Variants in PLEK observed in about 807,000 individuals in gnomAD.
The protein encoded by PLEK is platelet 47 kDa protein.
PLEK carries 25 observed loss-of-function variants against 43.9 expected under a neutral mutation model. The ratio of observed to expected loss-of-function variants is 0.57; its 90% CI spans 0.41 to 0.79. The LOEUF (loss-of-function observed/expected upper bound fraction) is 0.79, where lower values mean the gene tolerates loss of function less well. Among genes scored for constraint, PLEK ranks in the 30% least tolerant of loss-of-function variants. The pLI, the probability that PLEK is intolerant of heterozygous loss-of-function variation, is 0.00. For missense variants in PLEK, 396 were observed against 413.3 expected, an observed-to-expected ratio of 0.96 and a Z score of 0.36; for synonymous variants, 152 against 144.4, an observed-to-expected ratio of 1.05 and a Z score of -0.38.
Position 68,395,903 on chromosome 2 carries a change from C to T in PLEK, c.*87C>T, listed in dbSNP as rs114097526. On this transcript the variant is annotated 3_prime_UTR_variant, in exon 9 of 9. Coordinates refer to ENST00000234313, the MANE Select transcript of PLEK (RefSeq NM_002664.3). ...CCTGTCCACTTCTGTGACAAATCAA[C>T]GGGAAACAGCCCAGGGGTGGGAAGT... 11,143 of 1,206,020 alleles carry T rather than the reference C, an allele frequency of 9.2e-3. 80 individuals carry two copies. Among genetic ancestry groups the T allele is most frequent in the Non-Finnish European group, 0.01 (8,364 of 828,068 alleles). The allele number at this position is 1,206,020 out of a possible 1,614,324, so 74.7% of individuals were successfully genotyped here.
At position 68,394,113 on chromosome 2, in the gene PLEK, G is replaced by A; in HGVS notation, c.853G>A (p.Asp285Asn). 1 of 1,604,900 alleles carries A rather than the reference G, an allele frequency of 6.2e-7. No individual in the cohort carries two copies. The highest frequency in any genetic ancestry group is 1.1e-5 in the South Asian group (1 of 90,918). The change falls in exon 8 of 9, where the codon GAT becomes AAT. Residue 285 changes from aspartate (D) to asparagine (N), a missense_variant. Physicochemically the swap from Asp to Asn is conservative, Grantham distance 23. Transcript: ENST00000234313. ...CAACTCCTTTCTTCTTTAGGCAGAA[G>A]ATCCCCTGGGAGCAATTCACTTGAG... ...LHYYDPAGAE[D>N]PLGAIHLRGC...
At chr2:68,390,903 T>C (rs1673845684) in intron 6 of PLEK, among the ~76,000 whole-genome samples, 1 of 152,242 alleles carries the variant, frequency 6.6e-6, no homozygotes, top group Admixed American at 6.5e-5. Context: ...TTTACATAAT[T>C]GTTTCTGTTA....
At chr2:68,387,617 G>A (rs1384584061) in intron 5 of PLEK, among the ~76,000 whole-genome samples, 1 of 152,174 alleles carries the variant, frequency 6.6e-6, no homozygotes, top group Non-Finnish European at 1.5e-5. Context: ...TAGGCCATGT[G>A]AGCAATGGTG....
intron 1 of PLEK, among the ~76,000 whole-genome samples, chr2:68,377,062 T>G (rs776556173): frequency 1.3e-5 from 2 of 152,200 alleles, no homozygotes; most frequent in Non-Finnish European, 2.9e-5. Flanking sequence ...CTCAACATAA[T>G]GATCTTCGGG....
At position 68,395,831 on chromosome 2, in the gene PLEK, T is replaced by A; in HGVS notation, c.*15T>A. On this transcript the variant is annotated 3_prime_UTR_variant, in exon 9 of 9. Transcript: ENST00000234313. Reference sequence around the variant, plus strand: ...CTGGGAAGTAAAGAGACTCCTGCATTCCTCCTCCCCTCCTGAGGGAAGCCC... The same window carrying A: ...CTGGGAAGTAAAGAGACTCCTGCATACCTCCTCCCCTCCTGAGGGAAGCCC... The A allele has an allele frequency of 4.4e-6, 7 of 1,609,186 alleles. No homozygotes were observed. The South Asian group carries it at 7.7e-5, about 18-fold the overall frequency.
intron 6 of PLEK, among the ~76,000 whole-genome samples, chr2:68,392,802 T>C (rs907279124): frequency 6.6e-6 from 1 of 152,264 alleles, no homozygotes; most frequent in African/African-American, 2.4e-5. Flanking sequence ...TGCTACTTTA[T>C]ATTTCAACAT....
rs1043866683 is a variant in PLEK at position 68,371,843 on chromosome 2, T to A, written c.42+6450T>A. ...TCAAATTGCTGACTCATAGAGCTCCTTTTTTCCCACATGCTCATTTCCCAC... is the reference window on the plus strand; with the variant it reads ...TCAAATTGCTGACTCATAGAGCTCCATTTTTCCCACATGCTCATTTCCCAC... On this transcript the variant is annotated intron_variant, in intron 1 of 8. Coordinates refer to ENST00000234313, the MANE Select transcript of PLEK (RefSeq NM_002664.3). Among the ~76,000 whole-genome samples, 187 of 152,250 alleles carry A rather than the reference T, an allele frequency of 1.2e-3. 1 individual carries two copies. Among genetic ancestry groups the A allele is most frequent in the African/African-American group, 4.4e-3 (182 of 41,550 alleles).
chr2:68,378,083 G>A (rs566282798), intron 1 of PLEK, among the ~76,000 whole-genome samples: 1 of 152,200 alleles, frequency 6.6e-6, no homozygotes, highest in Admixed American at 6.5e-5. Flanking sequence ...ACTGTATAAT[G>A]TATATGTACA....
chr2:68,379,351 AT>A (rs958854518), intron 1 of PLEK, among the ~76,000 whole-genome samples: 3 of 152,154 alleles, frequency 2.0e-5, no homozygotes, highest in Admixed American at 1.3e-4. Flanking sequence ...GCTTTAGAAT[AT>A]TTAATTCTTT....
chr2:68,395,308 A>G (rs1673943653), intron 8 of PLEK, among the ~76,000 whole-genome samples: 1 of 151,786 alleles, frequency 6.6e-6, no homozygotes, highest in Non-Finnish European at 1.5e-5. Flanking sequence ...CTTGATTTAT[A>G]TTATGAGCAG....
At chr2:68,373,166 G>A (rs983987661) in intron 1 of PLEK, among the ~76,000 whole-genome samples, 2 of 152,096 alleles carry the variant, frequency 1.3e-5, no homozygotes, top group African/African-American at 4.8e-5. Context: ...CAGGTTACCC[G>A]AGTGAGAAAC....
chr2:68,379,461 T>C (rs1401186660), intron 1 of PLEK, among the ~76,000 whole-genome samples: 1 of 152,126 alleles, frequency 6.6e-6, no homozygotes, highest in African/African-American at 2.4e-5. Context: ...ATTTTTGTAT[T>C]TTTCTCCTCA....
At chr2:68,380,582 C>G in intron 2 of PLEK, 99 bp downstream of exon 2, 1 of 1,403,870 alleles carries the variant, frequency 7.1e-7, no homozygotes, top group Non-Finnish European at 9.9e-7. Context: ...TGGGCTGGTC[C>G]CTCTCACCAC....
rs1352605225 is a variant in PLEK at position 68,386,587 on chromosome 2, T to C, written c.558T>C (p.Asn186=). 6.2e-7 allele frequency: 1 copy of C among 1,613,728 alleles called. No homozygotes were observed. The highest frequency in any genetic ancestry group is 8.5e-7 in the Non-Finnish European group (1 of 1,179,610). Residue 186 remains asparagine, a synonymous_variant, in exon 5 of 9, where the codon AAT becomes AAC. Coordinates refer to ENST00000234313, the MANE Select transcript of PLEK (RefSeq NM_002664.3). ...EGLMIASSLL[N]EGYLQPAGDM... Reference sequence around the variant, plus strand: ...TCATGATTGCTTCATCGCTGCTCAATGAGGGGTATCTGCAGCCTGCTGGAG... The same window carrying C: ...TCATGATTGCTTCATCGCTGCTCAACGAGGGGTATCTGCAGCCTGCTGGAG...
rs374292652 is a variant in PLEK at position 68,387,526 on chromosome 2, C to T, written c.657+840C>T. On this transcript the variant is annotated intron_variant, in intron 5 of 8. Coordinates refer to ENST00000234313, the MANE Select transcript of PLEK (RefSeq NM_002664.3). Reference sequence around the variant, plus strand: ...CAAAATGTGTCCACAGATGTCACTTCCTGCAGTCATCTTGTGTACCTCCCA... The same window carrying T: ...CAAAATGTGTCCACAGATGTCACTTTCTGCAGTCATCTTGTGTACCTCCCA... Among the ~76,000 whole-genome samples, 9 of 152,272 alleles carry T rather than the reference C, an allele frequency of 5.9e-5. No individual in the cohort carries two copies. In the South Asian group the frequency reaches 8.3e-4, roughly 14 times the overall value.
intron 1 of PLEK, among the ~76,000 whole-genome samples, chr2:68,376,809 A>G (rs956471291): frequency 2.6e-5 from 4 of 152,158 alleles, no homozygotes; most frequent in Non-Finnish European, 5.9e-5. Flanking sequence ...AAAATATACA[A>G]TTAAGTTGGC....
chr2:68,368,915 G>T (rs185847861), intron 1 of PLEK, among the ~76,000 whole-genome samples: 10 of 152,288 alleles, frequency 6.6e-5, no homozygotes, highest in African/African-American at 2.4e-4. Context: ...ATAGGAATCA[G>T]GGTGATGGGA....
In PLEK at chr2:68,396,809, C is replaced by T. The variant is rs1673971616; in HGVS notation, c.*993C>T. ...GCGGCAGCTGCAGCAAGTGGAGGGG[C>T]TGAACTACTGGCCAGCTCACTGGAT... On this transcript the variant is annotated 3_prime_UTR_variant, in exon 9 of 9. Coordinates refer to ENST00000234313, the MANE Select transcript of PLEK (RefSeq NM_002664.3). 6.6e-6 allele frequency: 1 copy of T among 152,270 alleles called. No individual in the cohort carries two copies. The highest frequency in any genetic ancestry group is 2.4e-5 in the African/African-American group (1 of 41,452). 9.4% of individuals were successfully genotyped at this position (152,270 alleles called of 1,614,324 possible). A position where few individuals can be genotyped will look rare whatever the true frequency, so the allele number is the denominator to read the frequency against.
At position 68,382,640 on chromosome 2, in the gene PLEK, G is replaced by T; in HGVS notation, c.472+7G>T. ...TTTAATCACTGCTTCACAGGTAAAA[G>T]CACTTGCAGGCCTGAAATAGGGCGA... On this transcript the variant is annotated splice_region_variant and intron_variant, in intron 4 of 8. Coordinates refer to ENST00000234313, the MANE Select transcript of PLEK (RefSeq NM_002664.3). 6.6e-7 allele frequency: 1 copy of T among 1,514,576 alleles called. No homozygotes were observed. The highest frequency in any genetic ancestry group is 9.2e-7 in the Non-Finnish European group (1 of 1,089,974). The allele number at this position is 1,514,576 out of a possible 1,614,324, so 93.8% of individuals were successfully genotyped here.
Sources: allele counts gnomAD v4.1 joint callset (sites outside exome capture counted in the v4.1 genomes callset), GRCh38; gene constraint gnomAD v4.1.1; transcripts MANE v1.5; gene names NCBI Gene and HGNC (gene_info 2026-07-23, HGNC 2026-07-21).